RBBP9: variants seen among roughly 807,000 people sequenced by gnomAD.
RBBP9 encodes RB binding protein 9, serine hydrolase, also known as serine hydrolase RBBP9.
In RBBP9, 20 loss-of-function variants were observed where a neutral mutation model predicts 24.2. That is an observed-to-expected ratio of 0.83 (90% confidence interval 0.58 to 1.20). RBBP9 has a LOEUF of 1.20. Ranked by LOEUF, RBBP9 falls within the 50% of genes most tolerant of loss-of-function variation. The pLI, the probability that RBBP9 is intolerant of heterozygous loss-of-function variation, is 0.00. For missense variants in RBBP9, 234 were observed against 233.6 expected, an observed-to-expected ratio of 1.00 and a Z score of -0.01; for synonymous variants, 74 against 84.6, an observed-to-expected ratio of 0.87 and a Z score of 0.69.
chr20:18,491,952 CCAGGTGTGGTGGCAGGCGCCTGT>C (rs1442584040), intron 3 of RBBP9, among the ~76,000 whole-genome samples: 1 of 151,908 alleles, frequency 6.6e-6, no homozygotes, highest in East Asian at 1.9e-4. Flanking sequence ...CAAAAATTAG[CCAGGTGTGGTGGCAGGCGCCTGT>C]AGTCTCAGCT....
intron 3 of RBBP9, among the ~76,000 whole-genome samples, chr20:18,493,073 G>A (rs1174657924): frequency 6.6e-6 from 1 of 152,068 alleles, no homozygotes; most frequent in Non-Finnish European, 1.5e-5. Context: ...TGACTGCTTG[G>A]GACAAATAAA....
chr20:18,493,953 C>G lies in RBBP9; in HGVS notation c.248+5G>C, dbSNP rs190951936. ...AAGGGGATAGCAGTTTAACAAAGAT[C>G]GCACCTCATGGCCGCGATGGCCCCA... is the stretch of plus-strand genomic sequence containing the variant. On this transcript the variant is annotated splice_donor_5th_base_variant and intron_variant, in intron 3 of 4. Coordinates refer to ENST00000337227, the MANE Select transcript of RBBP9 (RefSeq NM_006606.3). 7.5e-3 allele frequency: 12,039 copies of G among 1,599,778 alleles called. 57 individuals carry two copies. Among genetic ancestry groups the G allele is most frequent in the South Asian group, 9.7e-3 (864 of 89,146 alleles).
At position 18,497,161 on chromosome 20, in the gene RBBP9, A is replaced by G; in HGVS notation, c.7T>C (p.Ser3Pro). ...GGAACAATCACTGCCTTGCTAGGAG[A>G]AGCCATGAGTGCAGCGAGGCCAGAG... MA[S>P]PSKAVIVPGN... Residue 3 changes from serine (S) to proline (P), a missense_variant, in exon 1 of 5, where the codon TCT becomes CCT. Ser to Pro is a moderately conservative substitution (Grantham distance 74). Transcript: ENST00000337227. The G allele has an allele frequency of 6.2e-7, 1 of 1,613,654 alleles. No individual in the cohort carries two copies. Among genetic ancestry groups the G allele is most frequent in the Non-Finnish European group, 8.5e-7 (1 of 1,179,652 alleles).
chr20:18,497,200 G>C lies in RBBP9; in HGVS notation c.-33C>G, dbSNP rs748009643. 1.3e-6 allele frequency: 2 copies of C among 1,566,246 alleles called. No homozygotes were observed. Among genetic ancestry groups the C allele is most frequent in the African/African-American group, 2.7e-5 (2 of 73,784 alleles). ...GCGAGGCCAGAGTTCCCCAGCGCGG[G>C]TCCAGCGGAGCTGAGCCCAGCCTGC... On this transcript the variant is annotated 5_prime_UTR_variant, in exon 1 of 5. Coordinates refer to ENST00000337227, the MANE Select transcript of RBBP9 (RefSeq NM_006606.3).
intron 3 of RBBP9, among the ~76,000 whole-genome samples, chr20:18,492,822 C>A (rs555949217): frequency 1.1e-4 from 16 of 152,324 alleles, no homozygotes; most frequent in African/African-American, 3.6e-4. Context: ...AGCAGGCACA[C>A]CTTTACTAAT....
chr20:18,495,644 G>GA (rs11476688), intron 2 of RBBP9, among the ~76,000 whole-genome samples, 194 bp downstream of exon 2: 15,792 of 91,582 alleles, frequency 0.17, 1,385 homozygotes, highest in Middle Eastern at 0.2. Context: ...TCACAGAATT[G>GA]AAAAAAAAAA....
chr20:18,487,005 A>G lies in RBBP9; in HGVS notation c.*2759T>C, dbSNP rs578123969. ...GCCAAACAGAAGTAATTTCAAATTA[A>G]GTCACTTTTACTTTGTGCTATTACT... is the stretch of plus-strand genomic sequence containing the variant. On this transcript the variant is annotated 3_prime_UTR_variant, in exon 5 of 5. Transcript: ENST00000337227. 2.2e-4 allele frequency: 34 copies of G among 152,362 alleles called. No homozygotes were observed. Among genetic ancestry groups the G allele is most frequent in the African/African-American group, 7.7e-4 (32 of 41,594 alleles). The allele number at this position is 152,362 out of a possible 1,614,324, so 9.4% of individuals were successfully genotyped here. A position where few individuals can be genotyped will look rare whatever the true frequency, so the allele number is the denominator to read the frequency against.
Position 18,489,909 on chromosome 20 carries a change from G to A in RBBP9, c.416C>T (p.Pro139Leu), listed in dbSNP as rs745619409. Reference sequence around the variant, plus strand: ...TTGTTGTTCCTTCCAGGGAAGGAACGGGTCGTCAGTAGAGCCAAACTGCAC... The same window carrying A: ...TTGTTGTTCCTTCCAGGGAAGGAACAGGTCGTCAGTAGAGCCAAACTGCAC... ...YIVQFGSTDD[P>L]FLPWKEQQEV... is the part of the protein sequence containing the mutation. Residue 139 changes from proline (P) to leucine (L), a missense_variant, in exon 5 of 5, where the codon CCG (proline) becomes CTG (leucine). Physicochemically the swap from Pro to Leu is moderately conservative, Grantham distance 98 (BLOSUM62 -3). Transcript: ENST00000337227. 1.5e-5 allele frequency: 25 copies of A among 1,613,750 alleles called. No individual in the cohort carries two copies. The highest frequency in any genetic ancestry group is 1.7e-4 in the Middle Eastern group (1 of 6,020).
rs3748449 is a variant in RBBP9, at chr20:18,490,002, A to C, written c.335-12T>G. ...GCGGGTGAAGTATCCTATGGGGAAA[A>C]AAAAATGATCTTTCAGTACCCATGG... On this transcript the variant is annotated splice_polypyrimidine_tract_variant and intron_variant, in intron 4 of 4. Coordinates refer to ENST00000337227, the MANE Select transcript of RBBP9 (RefSeq NM_006606.3). 146,574 of 1,564,348 alleles carry C rather than the reference A, an allele frequency of 0.094. 10,262 individuals carry two copies. Among genetic ancestry groups the C allele is most frequent in the East Asian group, 0.32 (14,125 of 44,022 alleles).
chr20:18,490,038 T>C (rs960651454), intron 4 of RBBP9, 48 bp from the exon 5 acceptor site: 2 of 1,333,410 alleles, frequency 1.5e-6, no homozygotes, highest in Non-Finnish European at 2.1e-6. Context: ...ATAATCTCCC[T>C]TCTAGATATT....
At position 18,493,970 on chromosome 20, in the gene RBBP9, A is replaced by T. The variant is rs750483634; in HGVS notation, c.236T>A (p.Ile79Asn). The part of the protein sequence containing the change: ...TIIIGHSSGA[I>N]AAMRYAETHR... ...ACAAAGATCGCACCTCATGGCCGCG[A>T]TGGCCCCAGAACTGTGGCCAATGAT... The change falls in exon 3 of 5, where the codon ATC (isoleucine) becomes AAC (asparagine). Residue 79 changes from isoleucine (I) to asparagine (N), a missense_variant. Ile to Asn is a moderately radical substitution (Grantham distance 149, BLOSUM62 -3). Coordinates refer to ENST00000337227, the MANE Select transcript of RBBP9 (RefSeq NM_006606.3). 6.2e-7 allele frequency: 1 copy of T among 1,607,242 alleles called. No individual in the cohort carries two copies. Among genetic ancestry groups the T allele is most frequent in the Non-Finnish European group, 8.5e-7 (1 of 1,177,860 alleles).
At chr20:18,495,776 C>CA in intron 2 of RBBP9, 62 bp downstream of exon 2, 1 of 1,476,034 alleles carries the variant, frequency 6.8e-7, no homozygotes, top group Non-Finnish European at 9.5e-7. Context: ...TTCTCTACCA[C>CA]AAAAATGGTA....
At position 18,487,685 on chromosome 20, in the gene RBBP9, C is replaced by T. The variant is rs900202126; in HGVS notation, c.*2079G>A. The T allele has an allele frequency of 2.4e-4, 36 of 152,218 alleles. No homozygotes were observed. The highest frequency in any genetic ancestry group is 1.7e-3 in the Admixed American group (26 of 15,280). 9.4% of individuals were successfully genotyped at this position (152,218 alleles called of 1,614,324 possible). On this transcript the variant is annotated 3_prime_UTR_variant, in exon 5 of 5. Transcript: ENST00000337227. ...TAAAATAAGGGGCCGGGCATGGTGG[C>T]TCATGCCTGTAATCCCAACACTTTG...
At chr20:18,496,801 G>A (rs537646118) in intron 1 of RBBP9, among the ~76,000 whole-genome samples, 74 of 152,274 alleles carry the variant, frequency 4.9e-4, no homozygotes, top group African/African-American at 1.7e-3. Context: ...GATACGGGGG[G>A]CGGGGCTCAG....
intron 2 of RBBP9, 57 bp from the exon 3 acceptor site, chr20:18,494,120 ACG>A: frequency 1.5e-6 from 2 of 1,357,382 alleles, no homozygotes; most frequent in African/African-American, 2.9e-5. Context: ...TCTGAATCCA[ACG>A]CTGCCCCACC....
Position 18,497,221 on chromosome 20 carries a change from C to T in RBBP9, c.-54G>A. 4.1e-6 allele frequency: 6 copies of T among 1,456,180 alleles called. No homozygotes were observed. The highest frequency in any genetic ancestry group is 4.8e-6 in the Non-Finnish European group (5 of 1,043,066). 90.2% of individuals were successfully genotyped at this position (1,456,180 alleles called of 1,614,324 possible). A position where few individuals can be genotyped will look rare whatever the true frequency, so the allele number is the denominator to read the frequency against. ...GCGGGTCCAGCGGAGCTGAGCCCAG[C>T]CTGCTCCCGCAGGGAGCCTGCGCCG... On this transcript the variant is annotated 5_prime_UTR_variant, in exon 1 of 5. Coordinates refer to ENST00000337227, the MANE Select transcript of RBBP9 (RefSeq NM_006606.3).
intron 3 of RBBP9, among the ~76,000 whole-genome samples, chr20:18,491,834 C>T (rs986608416): frequency 6.6e-6 from 1 of 151,886 alleles, no homozygotes; most frequent in African/African-American, 2.4e-5. Flanking sequence ...CGGTGGCTCA[C>T]ACCTGTAATC....
At position 18,489,573 on chromosome 20, in the gene RBBP9, C is replaced by T. The variant is rs757099613; in HGVS notation, c.*191G>A. ...AGGAAAATACTGTGGTAGTTCATAG[C>T]AATTTGGGGAGTTTTAGAGTCTATG... On this transcript the variant is annotated 3_prime_UTR_variant, in exon 5 of 5. Transcript: ENST00000337227. 1 of 527,466 alleles carries T rather than the reference C, an allele frequency of 1.9e-6. No homozygotes were observed. The highest frequency in any genetic ancestry group is 3.4e-6 in the Non-Finnish European group (1 of 296,554). The allele number at this position is 527,466 out of a possible 1,614,324, so 32.7% of individuals were successfully genotyped here.
intron 2 of RBBP9, among the ~76,000 whole-genome samples, chr20:18,495,013 G>A (rs771116687): frequency 1.7e-4 from 26 of 152,050 alleles, no homozygotes; most frequent in Non-Finnish European, 3.7e-4. Context: ...GGAGGTGAGG[G>A]GCGCCTCTGC....
Sources: gnomAD v4.1 joint callset for allele counts (sites outside exome capture counted in the v4.1 genomes callset) on GRCh38, gnomAD v4.1.1 for gene constraint, MANE v1.5 for transcripts, NCBI Gene and HGNC (gene_info 2026-07-23, HGNC 2026-07-21) for gene names.